The following SSBP2 variants were observed in gnomAD, a reference collection of about 807,000 sequenced individuals.
SSBP2 encodes the protein single-stranded DNA-binding protein 2.
A neutral mutation model predicts 61.8 loss-of-function variants in SSBP2; 17 were observed. That is an observed-to-expected ratio of 0.28 (90% CI 0.19 to 0.41). SSBP2 has a LOEUF of 0.41. Among genes scored for constraint, SSBP2 ranks in the 10% least tolerant of loss-of-function variants. The probability of loss-of-function intolerance (pLI) is 1.00; values close to 1 mark genes in which losing one functional copy is unlikely to be tolerated. For missense variants in SSBP2, 310 were observed against 458.7 expected, an observed-to-expected ratio of 0.68 and a Z score of 2.96; for synonymous variants, 139 against 141.3, an observed-to-expected ratio of 0.98 and a Z score of 0.12.
chr5:81,505,521 C>T (rs1768116310), intron 5 of SSBP2, among the ~76,000 whole-genome samples: 1 of 152,072 alleles, frequency 6.6e-6, no homozygotes, highest in South Asian at 2.1e-4. Context: ...GTAACCAACA[C>T]TAAAATAAAA....
chr5:81,743,861 C>T (rs1036390222), intron 1 of SSBP2, among the ~76,000 whole-genome samples: 33 of 152,268 alleles, frequency 2.2e-4, no homozygotes, highest in Admixed American at 1.8e-3. Context: ...AGAGGAAGAC[C>T]ATGAGGATGG....
chr5:81,655,959 G>T (rs1750169642), intron 1 of SSBP2, among the ~76,000 whole-genome samples: 1 of 152,160 alleles, frequency 6.6e-6, no homozygotes, highest in Admixed American at 6.6e-5. Context: ...TTAAGAGTAG[G>T]AGGACCCCAC....
At chr5:81,733,823 T>G (rs1156502319) in intron 1 of SSBP2, among the ~76,000 whole-genome samples, 1 of 152,214 alleles carries the variant, frequency 6.6e-6, no homozygotes, top group Non-Finnish European at 1.5e-5. Context: ...TCCCTAGTTT[T>G]GTCTGAATAG....
intron 4 of SSBP2, among the ~76,000 whole-genome samples, chr5:81,587,159 A>C (rs1198529960): frequency 6.6e-6 from 1 of 152,126 alleles, no homozygotes; most frequent in Non-Finnish European, 1.5e-5. Context: ...GAGTTCTGTG[A>C]GTCCTTCTAG....
chr5:81,581,278 T>G (rs1415363843), intron 4 of SSBP2, among the ~76,000 whole-genome samples: 1 of 152,140 alleles, frequency 6.6e-6, no homozygotes, highest in Admixed American at 6.6e-5. Context: ...CCTGAGGACA[T>G]GAAGAATACT....
intron 5 of SSBP2, among the ~76,000 whole-genome samples, chr5:81,507,672 C>A (rs1198502750): frequency 2.0e-5 from 3 of 151,958 alleles, no homozygotes; most frequent in Admixed American, 2.0e-4. Context: ...TAAAAGCTTT[C>A]TTGTGGTAAA....
At chr5:81,628,883 A>G (rs1011421517) in intron 3 of SSBP2, among the ~76,000 whole-genome samples, 10 of 152,116 alleles carry the variant, frequency 6.6e-5, no homozygotes, top group Admixed American at 6.6e-4. Context: ...CTTATTTTGC[A>G]TATGTCATAT....
chr5:81,490,775 G>A (rs757558572), intron 5 of SSBP2, among the ~76,000 whole-genome samples: 1 of 152,252 alleles, frequency 6.6e-6, no homozygotes. Context: ...ACAATTAAGT[G>A]AGCAATTTGG....
intron 1 of SSBP2, among the ~76,000 whole-genome samples, chr5:81,651,161 C>A (rs1166674572): frequency 6.6e-6 from 1 of 152,066 alleles, no homozygotes; most frequent in Non-Finnish European, 1.5e-5. Flanking sequence ...TTAATGATAT[C>A]TTGGACCAAT....
At chr5:81,724,543 G>A in intron 1 of SSBP2, among the ~76,000 whole-genome samples, 1 of 152,000 alleles carries the variant, frequency 6.6e-6, no homozygotes, top group East Asian at 1.9e-4. Context: ...TAGTAAGTGT[G>A]TACTACCAAT....
intron 5 of SSBP2, among the ~76,000 whole-genome samples, chr5:81,500,180 G>A (rs1767593485): frequency 6.6e-6 from 1 of 152,146 alleles, no homozygotes; most frequent in South Asian, 2.1e-4. Context: ...AACTATGTAA[G>A]ATGGTATTGA....
intron 1 of SSBP2, among the ~76,000 whole-genome samples, chr5:81,735,215 A>C (rs1756521513): frequency 1.3e-5 from 2 of 152,186 alleles, no homozygotes. Context: ...ACAAAAAATA[A>C]ATAGCCCTAA....
chr5:81,426,127 T>C (rs1039672877), intron 16 of SSBP2, among the ~76,000 whole-genome samples: 1 of 152,256 alleles, frequency 6.6e-6, no homozygotes, highest in African/African-American at 2.4e-5. Flanking sequence ...TGGGGATAAC[T>C]AGCTTATTTA....
rs147960513 is a variant in SSBP2 at position 81,527,787 on chromosome 5, G to T, written c.283-14070C>A. On this transcript the variant is annotated intron_variant, in intron 4 of 16. Coordinates refer to ENST00000320672, the MANE Select transcript of SSBP2 (RefSeq NM_012446.5). ...GCATTAGGACAAATACCTAATGCATGCAGGGCTTAAAACCTAAATGATGGG... is the reference window on the plus strand; with the variant it reads ...GCATTAGGACAAATACCTAATGCATTCAGGGCTTAAAACCTAAATGATGGG... 6.7e-3 allele frequency among the ~76,000 whole-genome samples: 1,014 copies of T among 151,606 alleles called. 31 individuals carry two copies. Among genetic ancestry groups the T allele is most frequent in the Admixed American group, 0.044 (664 of 15,186 alleles).
intron 1 of SSBP2, among the ~76,000 whole-genome samples, chr5:81,716,032 G>C (rs1755144573): frequency 6.6e-6 from 1 of 151,878 alleles, no homozygotes; most frequent in African/African-American, 2.4e-5. Context: ...ACTTCAGCCT[G>C]GGTGACAGAG....
rs146283214 is a variant in SSBP2, at chr5:81,477,809, G to A, written c.433-3247C>T. 7.8e-4 allele frequency among the ~76,000 whole-genome samples: 119 copies of A among 152,232 alleles called. 2 individuals are homozygous for A. In the East Asian group the frequency reaches 0.021, roughly 27 times the overall value. On this transcript the variant is annotated intron_variant, in intron 6 of 16. Coordinates refer to ENST00000320672, the MANE Select transcript of SSBP2 (RefSeq NM_012446.5). Reference sequence around the variant, plus strand: ...TGCCTACTGTCACAGAATAATAAATGTGTATTGAGGGAATAAAAGGAATAG... The same window carrying A: ...TGCCTACTGTCACAGAATAATAAATATGTATTGAGGGAATAAAAGGAATAG...
At chr5:81,460,947 AG>A in intron 10 of SSBP2, 107 bp downstream of exon 10, 2 of 526,256 alleles carry the variant, frequency 3.8e-6, no homozygotes, top group Non-Finnish European at 6.1e-6. Flanking sequence ...TACTTAAAAA[AG>A]GGTTACTACA....
At chr5:81,519,937 GTTTTA>G (rs1769333291) in intron 4 of SSBP2, among the ~76,000 whole-genome samples, 1 of 149,712 alleles carries the variant, frequency 6.7e-6, no homozygotes, top group Non-Finnish European at 1.5e-5. Context: ...CCTTTTAAAG[GTTTTA>G]TTTATTTTCA....
At chr5:81,460,792 G>A (rs1476036542) in intron 10 of SSBP2, among the ~76,000 whole-genome samples, 1 of 152,020 alleles carries the variant, frequency 6.6e-6, no homozygotes, top group Non-Finnish European at 1.5e-5. Context: ...ATATACTTAA[G>A]TCACACTATT....
Sources: allele counts gnomAD v4.1 joint callset (sites outside exome capture counted in the v4.1 genomes callset), GRCh38; gene constraint gnomAD v4.1.1; transcripts MANE v1.5; gene names NCBI Gene and HGNC (gene_info 2026-07-23, HGNC 2026-07-21).